Variants in AGK observed in about 807,000 individuals in gnomAD.
AGK encodes acylglycerol kinase, mitochondrial.
Under a neutral mutation model 66.4 loss-of-function variants are expected in AGK, and 52 were observed. That is an observed-to-expected ratio of 0.78 (90% CI 0.63 to 0.99). The LOEUF is 0.99. AGK is among the 50% of genes least tolerant of loss of function. The pLI, the probability that AGK is intolerant of heterozygous loss-of-function variation, is 0.00. For missense variants in AGK, 451 were observed against 506.6 expected, an observed-to-expected ratio of 0.89 and a Z score of 1.05; for synonymous variants, 182 against 181.1, an observed-to-expected ratio of 1.00 and a Z score of -0.04.
At position 141,588,825 on chromosome 7, in the gene AGK, G is replaced by C. The variant is rs569278764; in HGVS notation, c.102-4321G>C. Among the ~76,000 whole-genome samples, 242 of 152,240 alleles carry C rather than the reference G, an allele frequency of 1.6e-3. 1 individual carries two copies. The highest frequency in any genetic ancestry group is 3.4e-3 in the Middle Eastern group (1 of 294). On this transcript the variant is annotated intron_variant, in intron 2 of 15. Transcript: ENST00000649286. ...TTTAGACCATACAGTGTAACTTCCA[G>C]ATGTTGCCATGGCATTTGTAAACTG... is the stretch of plus-strand genomic sequence containing the variant.
chr7:141,573,771 A>T (rs983189998), intron 2 of AGK, among the ~76,000 whole-genome samples: 1 of 152,244 alleles, frequency 6.6e-6, no homozygotes. Flanking sequence ...CTCTCATTCT[A>T]TTCTTTCTTC....
At chr7:141,576,159 A>G (rs1457535135) in intron 2 of AGK, among the ~76,000 whole-genome samples, 1 of 152,188 alleles carries the variant, frequency 6.6e-6, no homozygotes, top group African/African-American at 2.4e-5. Context: ...TTGTAAACCA[A>G]AAATATATCA....
intron 2 of AGK, among the ~76,000 whole-genome samples, chr7:141,580,999 T>TATC (rs1450784636): frequency 6.6e-6 from 1 of 151,924 alleles, no homozygotes; most frequent in Non-Finnish European, 1.5e-5. Flanking sequence ...CAAAACCAGG[T>TATC]ATCCAAAGGC....
intron 14 of AGK, 50 bp from the exon 15 acceptor site, chr7:141,651,475 A>G (rs765121868): frequency 6.0e-6 from 9 of 1,498,316 alleles, no homozygotes; most frequent in Non-Finnish European, 8.4e-6. Context: ...GTTGCAACCT[A>G]GTGCAGTTGC....
chr7:141,562,795 C>G (rs1428477040), intron 2 of AGK, among the ~76,000 whole-genome samples: 1 of 152,200 alleles, frequency 6.6e-6, no homozygotes, highest in East Asian at 1.9e-4. Flanking sequence ...AGAAAGCAGG[C>G]AAGGCTTTCA....
At chr7:141,632,284 C>T (rs946069609) in intron 9 of AGK, among the ~76,000 whole-genome samples, 1 of 151,716 alleles carries the variant, frequency 6.6e-6, no homozygotes, top group African/African-American at 2.4e-5. Flanking sequence ...TCCTTACCCT[C>T]AATGTCTTTG....
rs1383833875 is a variant in AGK at position 141,598,824 on chromosome 7, A to G, written c.221+2183A>G. 6.6e-6 allele frequency among the ~76,000 whole-genome samples: 1 copy of G among 152,178 alleles called. No homozygotes were observed. Among genetic ancestry groups the G allele is most frequent in the African/African-American group, 2.4e-5 (1 of 41,444 alleles). On this transcript the variant is annotated intron_variant, in intron 4 of 15. Transcript: ENST00000649286. The surrounding 1 kb of genome is among the most constrained non-coding windows in gnomAD (Gnocchi z 4.2). ...AACCTGCTAATTTCTGATGAAACTTATGGCAATTTGTTTAAGCAATAACCA... is the reference window on the plus strand; with the variant it reads ...AACCTGCTAATTTCTGATGAAACTTGTGGCAATTTGTTTAAGCAATAACCA...
In AGK at chr7:141,648,141, C is replaced by CAGA. The variant is rs1797462922; in HGVS notation, c.976-1121_976-1120insGAA. On this transcript the variant is annotated intron_variant, in intron 13 of 15. Coordinates refer to ENST00000649286, the MANE Select transcript of AGK (RefSeq NM_018238.4). ...GGCTTCTCCACGGGACCCCCTTTTT[C>CAGA]ATAACACAGCCACTGCCATCAGCGC... is the stretch of plus-strand genomic sequence containing the variant. 2.0e-5 allele frequency among the ~76,000 whole-genome samples: 3 copies of CAGA among 152,288 alleles called. No homozygotes were observed. In the South Asian group the frequency reaches 6.2e-4, roughly 32 times the overall value.
chr7:141,599,693 C>T (rs1344704904), intron 4 of AGK, among the ~76,000 whole-genome samples: 14 of 152,062 alleles, frequency 9.2e-5, no homozygotes, highest in Non-Finnish European at 1.9e-4. Flanking sequence ...GAAAGCAACC[C>T]TGGAAGGAGA....
chr7:141,637,539 A>G (rs1249047804), intron 11 of AGK, among the ~76,000 whole-genome samples: 1 of 152,156 alleles, frequency 6.6e-6, no homozygotes, highest in Non-Finnish European at 1.5e-5. Context: ...GCTACTCTAT[A>G]TGATACAATA....
chr7:141,619,603 G>A (rs1796780685), intron 8 of AGK, among the ~76,000 whole-genome samples: 1 of 151,494 alleles, frequency 6.6e-6, no homozygotes, highest in Admixed American at 6.6e-5. Context: ...AAAATCTTTA[G>A]TCATTAGAGA....
At chr7:141,552,702 C>T (rs987249486) in intron 1 of AGK, among the ~76,000 whole-genome samples, 2 of 152,188 alleles carry the variant, frequency 1.3e-5, no homozygotes, top group African/African-American at 4.8e-5. Flanking sequence ...ACTTTTCTCC[C>T]CTGAAGCAGG....
At chr7:141,607,095 T>G (rs535470472) in intron 5 of AGK, among the ~76,000 whole-genome samples, 2 of 152,256 alleles carry the variant, frequency 1.3e-5, no homozygotes, top group South Asian at 4.2e-4. Flanking sequence ...TTAGCAACTA[T>G]GAATAAAATT....
intron 8 of AGK, among the ~76,000 whole-genome samples, chr7:141,618,279 G>A (rs757749961): frequency 2.0e-5 from 3 of 152,138 alleles, no homozygotes; most frequent in Non-Finnish European, 4.4e-5. Context: ...CAGCCTTACA[G>A]GTTAAGTTAG....
intron 4 of AGK, 58 bp downstream of exon 4, chr7:141,596,699 AGAC>A: frequency 6.9e-7 from 1 of 1,448,918 alleles, no homozygotes; most frequent in East Asian, 2.3e-5. Flanking sequence ...AAGAAATCAC[AGAC>A]TATCAGGCAG....
intron 2 of AGK, among the ~76,000 whole-genome samples, chr7:141,565,098 T>G (rs1039035270): frequency 2.6e-5 from 4 of 152,168 alleles, no homozygotes; most frequent in Admixed American, 6.5e-5. Context: ...GCCCTAGGCC[T>G]TCTTCTCACA....
At chr7:141,574,555 A>G (rs557012918) in intron 2 of AGK, among the ~76,000 whole-genome samples, 1 of 152,350 alleles carries the variant, frequency 6.6e-6, no homozygotes, top group South Asian at 2.1e-4. Context: ...CTCTTGGTCA[A>G]TAGAATGAGG....
At chr7:141,601,955 A>G (rs540623103) in intron 5 of AGK, among the ~76,000 whole-genome samples, 1 of 152,280 alleles carries the variant, frequency 6.6e-6, no homozygotes, top group Non-Finnish European at 1.5e-5. Flanking sequence ...TGCAATGTTG[A>G]ACCCTCTTTT....
At chr7:141,642,017 G>A (rs1797303724) in intron 13 of AGK, 109 bp downstream of exon 13, 1 of 976,960 alleles carries the variant, frequency 1.0e-6, no homozygotes, top group African/African-American at 1.6e-5. Flanking sequence ...TGTGGAGATA[G>A]AGAGGGCAGT....
Sources: allele counts gnomAD v4.1 joint callset (sites outside exome capture counted in the v4.1 genomes callset), GRCh38; gene constraint gnomAD v4.1.1; non-coding constraint Gnocchi (gnomAD v3.1); transcripts MANE v1.5; gene names NCBI Gene and HGNC (gene_info 2026-07-23, HGNC 2026-07-21).